The following CCDC171 variants were observed in gnomAD, a reference collection of about 807,000 sequenced individuals.
The protein encoded by CCDC171 is coiled-coil domain containing 171.
In CCDC171, 177 loss-of-function variants were observed where a neutral mutation model predicts 168.2. That is an observed-to-expected ratio of 1.05 (90% CI 0.93 to 1.19). The LOEUF is 1.19. CCDC171 is among the 50% of genes most tolerant of loss of function. The pLI, the probability that CCDC171 is intolerant of heterozygous loss-of-function variation, is 0.00. For missense variants in CCDC171, 1,991 were observed against 1,539.0 expected (o/e 1.29, Z -4.91); for synonymous variants, 687 against 540.8 (o/e 1.27, Z -3.75).
chr9:15,741,504 C>G (rs2054878569), intron 16 of CCDC171, among the ~76,000 whole-genome samples: 1 of 152,118 alleles, frequency 6.6e-6, no homozygotes, highest in Admixed American at 6.6e-5. Flanking sequence ...TGTGGATATA[C>G]CACATTTTGT....
At chr9:15,832,987 T>C (rs2060297244) in intron 21 of CCDC171, among the ~76,000 whole-genome samples, 1 of 135,668 alleles carries the variant, frequency 7.4e-6, no homozygotes, top group Non-Finnish European at 1.6e-5. Flanking sequence ...TAATCTTTTT[T>C]TTTTTTTTTT....
At chr9:15,650,420 T>G (rs2132766787) in intron 7 of CCDC171, among the ~76,000 whole-genome samples, 1 of 152,158 alleles carries the variant, frequency 6.6e-6, no homozygotes. Context: ...AAAAAATAAA[T>G]TATAGCCATG....
intron 6 of CCDC171, chr9:16,035,385 T>C (rs1833446056): frequency 6.6e-6 from 1 of 152,204 alleles, no homozygotes; most frequent in South Asian, 2.1e-4. Context: ...CTAAGAGAAT[T>C]GTCTTCTTTT....
intron 6 of CCDC171, among the ~76,000 whole-genome samples, chr9:16,030,862 A>T (rs1833354846): frequency 6.6e-6 from 1 of 152,132 alleles, no homozygotes; most frequent in Non-Finnish European, 1.5e-5. Context: ...GAACGCAGAT[A>T]TTTTTTTCAA....
chr9:16,048,834 G>A lies in CCDC171; in HGVS notation n.89+5948G>A, dbSNP rs375500083. Among the ~76,000 whole-genome samples the A allele has an allele frequency of 1.1e-4, 16 of 151,900 alleles. No homozygotes were observed. The East Asian group carries it at 1.6e-3, about 15-fold the overall frequency. On this transcript the variant is annotated intron_variant and non_coding_transcript_variant, in intron 1 of 1. Transcript: ENST00000478913. ...GAGTTATTAGAACAGTACCTCGCAC[G>A]TAGTAAACGCTGTGGACAGGCAGTA...
At chr9:15,976,530 A>C (rs186213794), downstream of CCDC171, among the ~76,000 whole-genome samples, 114 of 152,200 alleles carry the variant, frequency 7.5e-4, no homozygotes, top group East Asian at 0.019. Flanking sequence ...GATCTACTTT[A>C]AATGATTGTT....
intron 7 of CCDC171, among the ~76,000 whole-genome samples, chr9:15,654,752 T>G (rs1400140818): frequency 6.6e-6 from 1 of 152,130 alleles, no homozygotes; most frequent in African/African-American, 2.4e-5. Context: ...TTTCAGCATT[T>G]CCAACTCAGG....
chr9:15,632,287 A>G (rs1227673338), intron 7 of CCDC171, among the ~76,000 whole-genome samples: 2 of 151,638 alleles, frequency 1.3e-5, no homozygotes, highest in African/African-American at 4.8e-5. Flanking sequence ...GTCTCAGCCC[A>G]AAATCTCCTT....
At chr9:16,074,160 T>G in the CCDC171 span, among the ~76,000 whole-genome samples, 1 of 152,222 alleles carries the variant, frequency 6.6e-6, no homozygotes, top group Non-Finnish European at 1.5e-5. Flanking sequence ...AAATACCCAG[T>G]GCCTTCAATT....
chr9:15,591,499 C>T lies in CCDC171; in HGVS notation c.486C>T (p.Cys162=), dbSNP rs759636272. 1 of 1,603,706 alleles carries T rather than the reference C, an allele frequency of 6.2e-7. No homozygotes were observed. The highest frequency in any genetic ancestry group is 1.1e-5 in the South Asian group (1 of 89,170). Residue 162 remains cysteine (C), a synonymous_variant, in exon 5 of 26, where the codon TGC becomes TGT. Transcript: ENST00000380701. ...LEERDNMIQN[C]NREYDLLMKE... ...AAAGAGACAATATGATCCAAAATTG[C>T]AATCGAGAATATGATTTACTTATGA...
At chr9:15,853,189 T>C (rs2061207662) in intron 23 of CCDC171, among the ~76,000 whole-genome samples, 1 of 151,660 alleles carries the variant, frequency 6.6e-6, no homozygotes, top group African/African-American at 2.4e-5. Flanking sequence ...TAACAAAATA[T>C]TAAGTCTTGC....
At chr9:16,069,717 T>C in the CCDC171 span, among the ~76,000 whole-genome samples, 1 of 152,218 alleles carries the variant, frequency 6.6e-6, no homozygotes, top group Non-Finnish European at 1.5e-5. Flanking sequence ...TCTGGAACAC[T>C]ATTCCCAGCC....
At chr9:15,649,544 A>C (rs1033465880) in intron 7 of CCDC171, among the ~76,000 whole-genome samples, 2 of 152,210 alleles carry the variant, frequency 1.3e-5, no homozygotes. Context: ...ACTCAAACAA[A>C]TTTACAAGAA....
chr9:15,847,358 A>T (rs932267012), intron 22 of CCDC171, among the ~76,000 whole-genome samples: 13 of 152,108 alleles, frequency 8.5e-5, no homozygotes, highest in African/African-American at 3.1e-4. Flanking sequence ...TAATTTTTAT[A>T]GCTGTATATT....
chr9:15,599,255 A>G (rs2042636323), intron 6 of CCDC171, among the ~76,000 whole-genome samples: 1 of 152,074 alleles, frequency 6.6e-6, no homozygotes. Context: ...GATGGTCTTT[A>G]CGATTTGGCA....
intron 7 of CCDC171, among the ~76,000 whole-genome samples, chr9:15,633,921 A>G (rs1313880139): frequency 1.3e-5 from 2 of 152,226 alleles, no homozygotes; most frequent in South Asian, 2.1e-4. Flanking sequence ...AACTATCGCA[A>G]GAACAACAAA....
At chr9:15,871,256 T>C (rs1460959561) in intron 23 of CCDC171, among the ~76,000 whole-genome samples, 2 of 151,732 alleles carry the variant, frequency 1.3e-5, no homozygotes, top group African/African-American at 4.8e-5. Flanking sequence ...CTGTTAGGCG[T>C]TTTGAAGAAG....
At chr9:15,876,431 A>T (rs1001111546) in intron 24 of CCDC171, among the ~76,000 whole-genome samples, 9 of 152,076 alleles carry the variant, frequency 5.9e-5, no homozygotes, top group African/African-American at 2.2e-4. Context: ...AATAAATGGC[A>T]CTATCTCCAT....
At chr9:15,746,941 A>G (rs1405317673) in intron 18 of CCDC171, among the ~76,000 whole-genome samples, 1 of 152,198 alleles carries the variant, frequency 6.6e-6, no homozygotes, top group Non-Finnish European at 1.5e-5. Flanking sequence ...GCAGAGCAGG[A>G]TATTCTCTCC....
Sources: allele counts gnomAD v4.1 joint callset (sites outside exome capture counted in the v4.1 genomes callset), GRCh38; gene constraint gnomAD v4.1.1; transcripts MANE v1.5; gene names NCBI Gene and HGNC (gene_info 2026-07-23, HGNC 2026-07-21).